The following PLXNA2 variants were observed in gnomAD, a reference collection of about 807,000 sequenced individuals.
PLXNA2 encodes plexin-A2.
In PLXNA2, 91 loss-of-function variants were observed where a neutral mutation model predicts 193.5. The observed-to-expected ratio is 0.47, with a 90% confidence interval of 0.40 to 0.56. The LOEUF is 0.56. Among genes scored for constraint, PLXNA2 ranks in the 20% least tolerant of loss-of-function variants. The probability of loss-of-function intolerance (pLI) is 0.00; values close to 1 mark genes in which losing one functional copy is unlikely to be tolerated. For missense variants in PLXNA2, 1,995 were observed against 2,503.2 expected (o/e 0.80, Z 4.33); for synonymous variants, 997 against 1,027.3 (o/e 0.97, Z 0.56).
At chr1:208,233,026 ATCT>A (rs1671737783) in intron 1 of PLXNA2, among the ~76,000 whole-genome samples, 1 of 152,202 alleles carries the variant, frequency 6.6e-6, no homozygotes, top group Admixed American at 6.5e-5. Flanking sequence ...AGACCTGGCC[ATCT>A]TCTAGCCTCT....
rs183937662 is a variant in PLXNA2, at chr1:208,243,212, G to T, written c.-81+431C>A. Among the ~76,000 whole-genome samples, 1,227 of 152,248 alleles carry T rather than the reference G, an allele frequency of 8.1e-3. 7 individuals carry two copies. Among genetic ancestry groups the T allele is most frequent in the Non-Finnish European group, 0.013 (872 of 68,010 alleles). ...TGGAGTGAACGCCCCCAAATCGATC[G>T]CTGGCCAGTGTGGCTTTGGGCTGTC... On this transcript the variant is annotated intron_variant, in intron 1 of 31. Coordinates refer to ENST00000367033, the MANE Select transcript of PLXNA2 (RefSeq NM_025179.4).
intron 4 of PLXNA2, among the ~76,000 whole-genome samples, chr1:208,117,028 G>A (rs928884616): frequency 2.4e-4 from 36 of 152,086 alleles, no homozygotes; most frequent in African/African-American, 7.7e-4. Flanking sequence ...AAAATTAGCC[G>A]GGTGTGGTGG....
intron 12 of PLXNA2, among the ~76,000 whole-genome samples, chr1:208,071,514 A>ATG (rs1665977048): frequency 1.3e-5 from 2 of 152,028 alleles, no homozygotes; most frequent in South Asian, 2.1e-4. Flanking sequence ...CTTGAAGTGT[A>ATG]TGTGTGTGTG....
At chr1:208,120,809 T>C (rs1285588357) in intron 4 of PLXNA2, among the ~76,000 whole-genome samples, 3 of 152,104 alleles carry the variant, frequency 2.0e-5, no homozygotes, top group East Asian at 3.9e-4. Flanking sequence ...CCTCTTATAA[T>C]GTCTGTGAGG....
At chr1:208,191,117 T>C (rs1372630767) in intron 3 of PLXNA2, among the ~76,000 whole-genome samples, 1 of 152,244 alleles carries the variant, frequency 6.6e-6, no homozygotes, top group African/African-American at 2.4e-5. Flanking sequence ...TTTCTGTGTA[T>C]GAGATGTGAC....
intron 4 of PLXNA2, among the ~76,000 whole-genome samples, chr1:208,127,354 T>C (rs549079029): frequency 2.6e-4 from 39 of 152,358 alleles, no homozygotes; most frequent in African/African-American, 7.7e-4. Context: ...GTATACACCA[T>C]TAACTCCTGC....
intron 22 of PLXNA2, among the ~76,000 whole-genome samples, chr1:208,040,612 A>AG (rs1382857213): frequency 6.6e-6 from 1 of 152,262 alleles, no homozygotes; most frequent in African/African-American, 2.4e-5. Context: ...CTCTGGTTTC[A>AG]GTATTCCTAT....
At chr1:208,029,823 T>C (rs1360285764) in intron 29 of PLXNA2, 2 of 985,420 alleles carry the variant, frequency 2.0e-6, no homozygotes, top group African/African-American at 3.5e-5. Context: ...CCATTTACTC[T>C]CCTTCAAAAT....
In PLXNA2 at chr1:208,082,050, G is replaced by A. The variant is rs1343081867; in HGVS notation, c.2395+362C>T. Among the ~76,000 whole-genome samples, 1 of 152,176 alleles carries A rather than the reference G, an allele frequency of 6.6e-6. No individual in the cohort carries two copies. Among genetic ancestry groups the A allele is most frequent in the Non-Finnish European group, 1.5e-5 (1 of 68,036 alleles). ...GTGCAGTGATTGTGACCAGGGCCAAGGACAGGGGAACAAGAGCCTGACTGG... is the reference window on the plus strand; with the variant it reads ...GTGCAGTGATTGTGACCAGGGCCAAAGACAGGGGAACAAGAGCCTGACTGG... On this transcript the variant is annotated intron_variant, in intron 11 of 31. Coordinates refer to ENST00000367033, the MANE Select transcript of PLXNA2 (RefSeq NM_025179.4). The surrounding 1 kb of genome is among the most constrained non-coding windows in gnomAD (Gnocchi z 4.2).
intron 10 of PLXNA2, 59 bp downstream of exon 10, chr1:208,084,321 C>T (rs925910961): frequency 4.5e-6 from 7 of 1,566,620 alleles, no homozygotes; most frequent in African/African-American, 2.7e-5. Context: ...TACTGAGGCC[C>T]CAGCACGAGT....
rs397863568 is a variant in PLXNA2 at position 208,195,655 on chromosome 1, G to T, written c.1371+14625C>A. ...GGATAGTCATAAAATGTTTTTTGGG[G>T]GGGGGGGTTAGGGGTGGGCAACATG... On this transcript the variant is annotated intron_variant, in intron 3 of 31. Coordinates refer to ENST00000367033, the MANE Select transcript of PLXNA2 (RefSeq NM_025179.4). Among the ~76,000 whole-genome samples, 4 of 151,570 alleles carry T rather than the reference G, an allele frequency of 2.6e-5. 1 individual carries two copies. The South Asian group carries it at 6.3e-4, about 24-fold the overall frequency.
In PLXNA2 at chr1:208,221,202, C is replaced by A. The variant is rs114959870; in HGVS notation, c.-80-3200G>T. Among the ~76,000 whole-genome samples the A allele has an allele frequency of 7.5e-3, 1,140 of 152,222 alleles. 15 individuals are homozygous for A. The highest frequency in any genetic ancestry group is 0.026 in the African/African-American group (1,082 of 41,522). ...GTCTGGCATTTCCATGAGCCTATTT[C>A]TTGATCTTAAAACAAAAGGTATTTG... On this transcript the variant is annotated intron_variant, in intron 1 of 31. Coordinates refer to ENST00000367033, the MANE Select transcript of PLXNA2 (RefSeq NM_025179.4).
At chr1:208,031,488 G>A (rs1454198579) in intron 29 of PLXNA2, 102 bp downstream of exon 29, 7 of 1,469,392 alleles carry the variant, frequency 4.8e-6, no homozygotes, top group African/African-American at 4.2e-5. Flanking sequence ...AGCCCCAGCC[G>A]AGAATAGGCT....
At chr1:208,029,426 G>T in intron 29 of PLXNA2, 1 of 1,031,184 alleles carries the variant, frequency 9.7e-7, no homozygotes, top group Non-Finnish European at 1.2e-6. Context: ...CCTTCACAGT[G>T]CCCGTGGCCA....
chr1:208,040,320 A>C, intron 22 of PLXNA2: 1 of 495,038 alleles, frequency 2.0e-6, no homozygotes, highest in Non-Finnish European at 3.6e-6. Context: ...GGTGCTCTGA[A>C]CTTTGGCTGC....
chr1:208,137,035 G>T (rs936287795), intron 4 of PLXNA2, among the ~76,000 whole-genome samples: 4 of 152,198 alleles, frequency 2.6e-5, no homozygotes, highest in Non-Finnish European at 4.4e-5. Context: ...CATATACTTA[G>T]TAAGTGTCTA....
At chr1:208,118,442 GA>G (rs1246834214) in intron 4 of PLXNA2, among the ~76,000 whole-genome samples, 1 of 152,232 alleles carries the variant, frequency 6.6e-6, no homozygotes, top group African/African-American at 2.4e-5. Flanking sequence ...TGTGACAACT[GA>G]AGCTGGTCTG....
At chr1:208,221,173 A>T (rs1171768570) in intron 1 of PLXNA2, among the ~76,000 whole-genome samples, 1 of 152,158 alleles carries the variant, frequency 6.6e-6, no homozygotes, top group Admixed American at 6.5e-5. Context: ...CTCACTTTAG[A>T]CCAGTCTGGC....
intron 4 of PLXNA2, among the ~76,000 whole-genome samples, chr1:208,113,014 A>AC (rs935896256): frequency 5.9e-5 from 9 of 151,552 alleles, no homozygotes; most frequent in Non-Finnish European, 7.4e-5. Context: ...ACAAAAAAAA[A>AC]AAAAAAAAAA....
Sources: allele counts gnomAD v4.1 joint callset (sites outside exome capture counted in the v4.1 genomes callset), GRCh38; gene constraint gnomAD v4.1.1; non-coding constraint Gnocchi (gnomAD v3.1); transcripts MANE v1.5; gene names NCBI Gene and HGNC (gene_info 2026-07-23, HGNC 2026-07-21).